STK31: variants seen among roughly 807,000 people sequenced by gnomAD.
STK31 encodes the protein serine/threonine kinase 31, also known as serine/threonine-protein kinase 31.
In STK31, 89 loss-of-function variants were observed where a neutral mutation model predicts 129.7. The observed-to-expected ratio is 0.69, with a 90% CI of 0.58 to 0.82. The LOEUF (loss-of-function observed/expected upper bound fraction) is 0.82, where lower values mean the gene tolerates loss of function less well. Among genes scored for constraint, STK31 ranks in the 40% least tolerant of loss-of-function variants. The probability of loss-of-function intolerance (pLI) is 0.00; values close to 1 mark genes in which losing one functional copy is unlikely to be tolerated. For missense variants in STK31, 1,187 were observed against 1,176.4 expected, an observed-to-expected ratio of 1.01 and a Z score of -0.13; for synonymous variants, 448 against 395.3, an observed-to-expected ratio of 1.13 and a Z score of -1.58.
intron 21 of STK31, among the ~76,000 whole-genome samples, 197 bp downstream of exon 21, chr7:23,788,326 T>C (rs1248777867): frequency 1.3e-5 from 2 of 152,126 alleles, no homozygotes; most frequent in African/African-American, 2.4e-5. Context: ...TAACCATAAG[T>C]CTTAGGAGCT....
At position 23,754,380 on chromosome 7, in the gene STK31, G is replaced by A. The variant is rs1788920260; in HGVS notation, c.1199G>A (p.Gly400Glu). ...LSDAIQVLDE[G>E]CFTTPASLNG... The stretch of plus-strand genomic sequence containing the variant: ...GATGCTATACAAGTGTTGGATGAAG[G>A]GTGCTTTACTACTCCAGCTTCTTTG... The change falls in exon 10 of 24, where the codon GGG (glycine) becomes GAG (glutamate). Residue 400 changes from glycine to glutamate, a missense_variant. By Grantham distance (98) the Gly-to-Glu change is moderately conservative (BLOSUM62 -2). Coordinates refer to ENST00000355870, the MANE Select transcript of STK31 (RefSeq NM_031414.5). 8 of 1,613,832 alleles carry A rather than the reference G, an allele frequency of 5.0e-6. No individual in the cohort carries two copies. The East Asian group carries it at 1.8e-4, about 36-fold the overall frequency.
Position 23,712,139 on chromosome 7 carries a change from G to C in STK31, c.91G>C (p.Asp31His). The C allele has an allele frequency of 6.2e-7, 1 of 1,612,794 alleles. No individual in the cohort carries two copies. The highest frequency in any genetic ancestry group is 8.5e-7 in the Non-Finnish European group (1 of 1,178,912). The change falls in exon 2 of 24, where the codon GAT becomes CAT. Residue 31 changes from aspartate to histidine, a missense_variant. Asp to His is a moderately conservative substitution (Grantham distance 81). Transcript: ENST00000355870. Reference sequence around the variant, plus strand: ...TCAAATGGATGAAGATACACATTACGATAAAGGTACTGACACTAAAAATTA... The same window carrying C: ...TCAAATGGATGAAGATACACATTACCATAAAGGTACTGACACTAAAAATTA... ...IVQMDEDTHY[D>H]KVEDVVGSHI...
chr7:23,785,703 A>C, intron 18 of STK31, 100 bp downstream of exon 18: 1 of 1,453,376 alleles, frequency 6.9e-7, no homozygotes, highest in Non-Finnish European at 9.2e-7. Flanking sequence ...TTAGTTTTCT[A>C]AAGTGTATAA....
rs562055084 is a variant in STK31, at chr7:23,778,581, T to C, written c.1966-2838T>C. ...GTCTTCATGCTTTATTTCATTAAGTTGATCTTCAATGTCTGATATCCTTTC... is the reference window on the plus strand; with the variant it reads ...GTCTTCATGCTTTATTTCATTAAGTCGATCTTCAATGTCTGATATCCTTTC... On this transcript the variant is annotated intron_variant, in intron 15 of 23. Transcript: ENST00000355870. Among the ~76,000 whole-genome samples the C allele has an allele frequency of 2.0e-5, 3 of 152,168 alleles. No homozygotes were observed. In the East Asian group the frequency reaches 5.8e-4, roughly 30 times the overall value.
intron 6 of STK31, among the ~76,000 whole-genome samples, chr7:23,734,393 C>T (rs746991954): frequency 4.6e-5 from 7 of 152,184 alleles, no homozygotes; most frequent in East Asian, 1.9e-4. Flanking sequence ...CTTTATAGTA[C>T]GCACAGGGTG....
chr7:23,786,506 A>C lies in STK31; in HGVS notation c.2275-2A>C. ...TACGAGTGCCTCTTTCTTTGGTACA[A>C]GGGCTATTCTGTGGATGTTGACACA... is the stretch of plus-strand genomic sequence containing the variant. On this transcript the variant is annotated splice_acceptor_variant, in intron 18 of 23. Coordinates refer to ENST00000355870, the MANE Select transcript of STK31 (RefSeq NM_031414.5). LOFTEE classifies it high-confidence loss of function. The C allele has an allele frequency of 6.2e-7, 1 of 1,606,612 alleles. No individual in the cohort carries two copies. The highest frequency in any genetic ancestry group is 8.5e-7 in the Non-Finnish European group (1 of 1,176,892).
chr7:23,750,227 G>A (rs1003007563), intron 8 of STK31, among the ~76,000 whole-genome samples: 3 of 152,106 alleles, frequency 2.0e-5, no homozygotes, highest in East Asian at 1.9e-4. Context: ...ACTCTCAGTC[G>A]TGCCCACACC....
intron 22 of STK31, among the ~76,000 whole-genome samples, chr7:23,814,346 G>A (rs1793339511): frequency 6.6e-6 from 1 of 151,660 alleles, no homozygotes; most frequent in Non-Finnish European, 1.5e-5. Flanking sequence ...AAGCCCTTTT[G>A]CTCATTTTTT....
chr7:23,718,239 A>G (rs925407700), intron 4 of STK31, among the ~76,000 whole-genome samples: 1 of 152,200 alleles, frequency 6.6e-6, no homozygotes, highest in Non-Finnish European at 1.5e-5. Context: ...TTAAGTAAGT[A>G]TGCAGTGGTG....
At chr7:23,821,359 T>C (rs1220738798) in intron 23 of STK31, among the ~76,000 whole-genome samples, 2 of 152,190 alleles carry the variant, frequency 1.3e-5, no homozygotes, top group African/African-American at 4.8e-5. Context: ...AGTGGCATTC[T>C]AGCTGATGTA....
intron 13 of STK31, among the ~76,000 whole-genome samples, chr7:23,770,586 G>T (rs1790119715): frequency 6.6e-6 from 1 of 152,070 alleles, no homozygotes; most frequent in African/African-American, 2.4e-5. Flanking sequence ...GAATAATGGT[G>T]TAATACGGGT....
intron 22 of STK31, among the ~76,000 whole-genome samples, chr7:23,808,832 CG>C (rs1356003135): frequency 1.3e-5 from 2 of 151,904 alleles, no homozygotes; most frequent in African/African-American, 4.8e-5. Context: ...GGCAGTTTTT[CG>C]TTTGGTGTGT....
intron 22 of STK31, among the ~76,000 whole-genome samples, chr7:23,813,708 G>A (rs980576006): frequency 6.6e-6 from 1 of 152,164 alleles, no homozygotes; most frequent in Non-Finnish European, 1.5e-5. Context: ...AGGCTGAACT[G>A]CCTGGTGCTT....
At chr7:23,813,965 G>C (rs1225677867) in intron 22 of STK31, among the ~76,000 whole-genome samples, 1 of 151,944 alleles carries the variant, frequency 6.6e-6, no homozygotes, top group African/African-American at 2.4e-5. Flanking sequence ...TGCTGAGGAT[G>C]GTGAATGCTT....
chr7:23,719,133 G>A (rs1416363037), intron 4 of STK31, among the ~76,000 whole-genome samples: 1 of 151,398 alleles, frequency 6.6e-6, no homozygotes. Flanking sequence ...TTGATTTGTA[G>A]GCATTCTGTA....
intron 22 of STK31, among the ~76,000 whole-genome samples, chr7:23,798,754 A>G (rs1050049377): frequency 1.3e-5 from 2 of 152,180 alleles, no homozygotes; most frequent in African/African-American, 2.4e-5. Flanking sequence ...GATCAGGGCA[A>G]TCAGGCAAGA....
intron 15 of STK31, among the ~76,000 whole-genome samples, chr7:23,775,273 C>G: frequency 6.6e-6 from 1 of 152,162 alleles, no homozygotes; most frequent in Middle Eastern, 3.2e-3. Flanking sequence ...ATGCCTCCAG[C>G]TTTGTTCTTT....
intron 8 of STK31, among the ~76,000 whole-genome samples, chr7:23,748,726 G>A (rs1313474798): frequency 1.3e-5 from 2 of 151,534 alleles, no homozygotes; most frequent in African/African-American, 4.9e-5. Flanking sequence ...CTTTTTTTTG[G>A]CTTACTTTAC....
intron 3 of STK31, among the ~76,000 whole-genome samples, chr7:23,715,482 GGTGGTGC>G (rs2128061036): frequency 6.6e-6 from 1 of 151,996 alleles, no homozygotes; most frequent in East Asian, 1.9e-4. Context: ...AGCCAGGCAT[GGTGGTGC>G]ATGCTTGTGT....
Sources: allele counts gnomAD v4.1 joint callset (sites outside exome capture counted in the v4.1 genomes callset), GRCh38; gene constraint gnomAD v4.1.1; transcripts MANE v1.5; gene names NCBI Gene and HGNC (gene_info 2026-07-23, HGNC 2026-07-21).